Variants in GDE1 observed in about 807,000 individuals in gnomAD.
The protein encoded by GDE1 is glycerophosphodiester phosphodiesterase 1, also known as RGS16-interacting membrane protein.
A neutral mutation model predicts 32.2 loss-of-function variants in GDE1; 24 were observed. The observed-to-expected ratio is 0.75, with a 90% CI of 0.54 to 1.05. The LOEUF (loss-of-function observed/expected upper bound fraction) is 1.05. GDE1 is among the 50% of genes least tolerant of loss of function. GDE1 has a pLI of 0.00. For synonymous variants in GDE1, 159 were observed against 158.6 expected (o/e 1.00, Z -0.02); for missense variants, 380 against 415.0 (o/e 0.92, Z 0.73).
chr16:19,510,230 T>G (rs551560493), intron 3 of GDE1, among the ~76,000 whole-genome samples: 1 of 152,244 alleles, frequency 6.6e-6, no homozygotes, highest in African/African-American at 2.4e-5. Context: ...TAAGCAAAAT[T>G]TTATCTAGGA....
chr16:19,517,313 T>A, intron 1 of GDE1, 124 bp from the exon 2 acceptor site: 1 of 711,314 alleles, frequency 1.4e-6, no homozygotes, highest in Admixed American at 2.4e-5. Flanking sequence ...TCCTTCCACT[T>A]CCCCCACCAA....
chr16:19,521,447 T>A (rs1969452029), intron 1 of GDE1: 17 of 522,008 alleles, frequency 3.3e-5, no homozygotes, highest in Middle Eastern at 1.0e-3. Flanking sequence ...AGGGACACTT[T>A]TGACCTTGTT....
intron 1 of GDE1, 36 bp downstream of exon 1, chr16:19,521,668 C>G: frequency 6.2e-7 from 1 of 1,601,890 alleles, no homozygotes. Flanking sequence ...TCCGAGCTCT[C>G]GGGAGGACCG....
At chr16:19,509,730 G>A (rs1969292891) in intron 3 of GDE1, among the ~76,000 whole-genome samples, 2 of 149,632 alleles carry the variant, frequency 1.3e-5, no homozygotes, top group East Asian at 2.0e-4. Context: ...GCGCAATCTC[G>A]GCTCAGTGCA....
At position 19,503,493 on chromosome 16, in the gene GDE1, C is replaced by T; in HGVS notation, c.973G>A (p.Glu325Lys). 6.2e-7 allele frequency: 1 copy of T among 1,614,048 alleles called. No individual in the cohort carries two copies. Residue 325 changes from glutamate (E) to lysine (K), a missense_variant, in exon 6 of 6, where the codon GAA becomes AAA. Physicochemically the swap from Glu to Lys is moderately conservative, Grantham distance 56. Coordinates refer to ENST00000353258, the MANE Select transcript of GDE1 (RefSeq NM_016641.4). ...GTCTAGAAGTGAGGTTCGCAGTCTT[C>T]TACCATGCTGTCAGTGATATAGCTG... ...GSSYITDSMV[E>K]DCEPHF
In GDE1 at chr16:19,505,031, T is replaced by C; in HGVS notation, c.698A>G (p.His233Arg). ...ALTHRPWSLSHTGDGKPRYDT... is the reference protein window; with the variant it reads ...ALTHRPWSLSRTGDGKPRYDT... ...ATAGCGTGGTTTCCCATCTCCTGTA[T>C]GGCTTAGGCTCCAAGGTCTGTGAGT... The change falls in exon 5 of 6, where the codon CAT becomes CGT. Residue 233 changes from histidine (H) to arginine (R), a missense_variant. His to Arg is a conservative substitution (Grantham distance 29, BLOSUM62 0). Coordinates refer to ENST00000353258, the MANE Select transcript of GDE1 (RefSeq NM_016641.4). The C allele has an allele frequency of 6.2e-7, 1 of 1,613,296 alleles. No homozygotes were observed. Among genetic ancestry groups the C allele is most frequent in the South Asian group, 1.1e-5 (1 of 91,072 alleles).
chr16:19,512,441 C>T (rs1969329232), intron 2 of GDE1, among the ~76,000 whole-genome samples: 1 of 151,982 alleles, frequency 6.6e-6, no homozygotes, highest in South Asian at 2.1e-4. Flanking sequence ...CTGTTAAGTT[C>T]CTTGTATATT....
At chr16:19,510,773 C>T (rs758845195) in intron 3 of GDE1, 66 bp downstream of exon 3, 13 of 700,376 alleles carry the variant, frequency 1.9e-5, no homozygotes, top group Middle Eastern at 2.5e-4. Flanking sequence ...TATGTAACTT[C>T]GGAAATGACC....
intron 1 of GDE1, chr16:19,521,444 C>A: frequency 3.9e-6 from 2 of 519,314 alleles, no homozygotes; most frequent in Non-Finnish European, 6.9e-6. Context: ...ACCAGGGACA[C>A]TTTTGACCTT....
In GDE1 at chr16:19,520,497, G is replaced by A. The variant is rs150011029; in HGVS notation, c.261+1207C>T. On this transcript the variant is annotated intron_variant, in intron 1 of 5. Coordinates refer to ENST00000353258, the MANE Select transcript of GDE1 (RefSeq NM_016641.4). The stretch of plus-strand genomic sequence containing the variant: ...CTAGTACCTTGGGAGGCCGAGGCGG[G>A]TGGATCACTTTGAGGCCAGGAGTTT... Among the ~76,000 whole-genome samples the A allele has an allele frequency of 7.0e-3, 1,059 of 152,018 alleles. 1 individual carries two copies. Among genetic ancestry groups the A allele is most frequent in the Non-Finnish European group, 0.012 (782 of 67,956 alleles).
chr16:19,517,051 T>C lies in GDE1; in HGVS notation c.400A>G (p.Ile134Val), dbSNP rs893279853. 6.2e-7 allele frequency: 1 copy of C among 1,614,198 alleles called. No individual in the cohort carries two copies. Among genetic ancestry groups the C allele is most frequent in the Admixed American group, 1.7e-5 (1 of 60,018 alleles). Residue 134 changes from isoleucine to valine, a missense_variant, in exon 2 of 6, where the codon ATT (isoleucine) becomes GTT (valine). Transcript: ENST00000353258. ...GRLCDLTFEQ[I>V]RKLNPAANHR... is the part of the protein sequence containing the mutation. ...TTTGCTGCAGGATTCAGCTTCCTAA[T>C]TTGTTCAAATGTCAAATCACACAAT...
intron 4 of GDE1, among the ~76,000 whole-genome samples, chr16:19,506,348 G>A (rs1351473733): frequency 3.9e-5 from 6 of 152,042 alleles, no homozygotes; most frequent in African/African-American, 1.4e-4. Context: ...GACAGAACCT[G>A]CAAGTTTTAA....
chr16:19,521,917 G>C lies in GDE1; in HGVS notation c.48C>G (p.Phe16Leu), dbSNP rs1969464715. The C allele has an allele frequency of 1.3e-6, 2 of 1,591,910 alleles. No individual in the cohort carries two copies. The highest frequency in any genetic ancestry group is 1.7e-6 in the Non-Finnish European group (2 of 1,169,960). Residue 16 changes from phenylalanine (F) to leucine (L), a missense_variant, in exon 1 of 6, where the codon TTC becomes TTG. Physicochemically the swap from Phe to Leu is conservative, Grantham distance 22 (BLOSUM62 0). Coordinates refer to ENST00000353258, the MANE Select transcript of GDE1 (RefSeq NM_016641.4). ...TCACCAGCAGCAGCACTAGCAGCAG[G>C]AAGGAGAAAGGGCCCAGGAGGCCGC... ...DQGGLLGPFS[F>L]LLLVLLLVTR...
At chr16:19,505,202 C>T in intron 4 of GDE1, 110 bp from the exon 5 acceptor site, 1 of 738,568 alleles carries the variant, frequency 1.4e-6, no homozygotes, top group Non-Finnish European at 2.4e-6. Context: ...TGGTTGGTAC[C>T]CTGCCCCGGT....
chr16:19,507,663 T>G, intron 4 of GDE1, 24 bp downstream of exon 4: 1 of 1,198,356 alleles, frequency 8.3e-7, no homozygotes, highest in Non-Finnish European at 1.2e-6. Flanking sequence ...ACCTAATATG[T>G]ACAAGAAAAA....
Position 19,508,808 on chromosome 16 carries a change from T to C in GDE1, c.544-1029A>G, listed in dbSNP as rs186940465. Among the ~76,000 whole-genome samples the C allele has an allele frequency of 2.1e-3, 318 of 152,306 alleles. 1 individual carries two copies. The highest frequency in any genetic ancestry group is 3.4e-3 in the Middle Eastern group (1 of 294). ...GTAGTAAGAGCTCAGTCAAGGACTG[T>C]TGGAGTCCCAAGCCCATGATTTTGG... On this transcript the variant is annotated intron_variant, in intron 3 of 5. Transcript: ENST00000353258.
intron 1 of GDE1, among the ~76,000 whole-genome samples, chr16:19,520,407 A>C: frequency 7.2e-6 from 1 of 139,540 alleles, no homozygotes; most frequent in East Asian, 2.4e-4. Flanking sequence ...TTAAAAAAAA[A>C]GAAAAAAAAA....
Position 19,503,203 on chromosome 16 carries a change from T to A in GDE1, c.*267A>T. 2.2e-6 allele frequency: 1 copy of A among 459,174 alleles called. No homozygotes were observed. Among genetic ancestry groups the A allele is most frequent in the Non-Finnish European group, 4.0e-6 (1 of 253,094 alleles). 28.4% of individuals were successfully genotyped at this position (459,174 alleles called of 1,614,324 possible). A position where few individuals can be genotyped will look rare whatever the true frequency, so the allele number is the denominator to read the frequency against. ...TGCTTATCCTCACTGGGTCTCCCTG[T>A]GTGCCTCAGCTAGGGCAGGGCAGGG... On this transcript the variant is annotated 3_prime_UTR_variant, in exon 6 of 6. Coordinates refer to ENST00000353258, the MANE Select transcript of GDE1 (RefSeq NM_016641.4).
At position 19,521,836 on chromosome 16, in the gene GDE1, G is replaced by A. The variant is rs201638661; in HGVS notation, c.129C>T (p.Arg43=). The A allele has an allele frequency of 1.5e-5, 24 of 1,610,366 alleles. No individual in the cohort carries two copies. The highest frequency in any genetic ancestry group is 2.0e-5 in the Non-Finnish European group (23 of 1,178,986). ...LLTGSLFVLL[R]VFSFEPVPSC... Reference sequence around the variant, plus strand: ...AGGGCACCGGCTCAAAGCTGAAGACGCGCAGTAGAACGAAGAGGCTGCCGG... The same window carrying A: ...AGGGCACCGGCTCAAAGCTGAAGACACGCAGTAGAACGAAGAGGCTGCCGG... The change falls in exon 1 of 6, where the codon CGC becomes CGT. Residue 43 remains arginine (R), a synonymous_variant. Coordinates refer to ENST00000353258, the MANE Select transcript of GDE1 (RefSeq NM_016641.4).
Sources: gnomAD v4.1 joint callset for allele counts (sites outside exome capture counted in the v4.1 genomes callset) on GRCh38, gnomAD v4.1.1 for gene constraint, MANE v1.5 for transcripts, NCBI Gene and HGNC (gene_info 2026-07-23, HGNC 2026-07-21) for gene names.